Variants in NTNG1 observed in about 807,000 individuals in gnomAD.
NTNG1 encodes netrin-G1.
In NTNG1, 16 loss-of-function variants were observed where a neutral mutation model predicts 54.0. That is an observed-to-expected ratio of 0.30 (90% CI 0.20 to 0.45). NTNG1 has a LOEUF of 0.45. Among genes scored for constraint, NTNG1 ranks in the 20% least tolerant of loss-of-function variants. NTNG1 has a pLI of 1.00. For missense variants in NTNG1, 530 were observed against 678.7 expected (o/e 0.78, Z 2.43); for synonymous variants, 255 against 263.1 (o/e 0.97, Z 0.30).
At chr1:107,327,346 G>A (rs1668020496) in intron 3 of NTNG1, among the ~76,000 whole-genome samples, 1 of 152,148 alleles carries the variant, frequency 6.6e-6, no homozygotes, top group Admixed American at 6.6e-5. Context: ...ATCTGCTGAT[G>A]ATGGAGCCAG....
chr1:107,170,596 A>G (rs1481797186), intron 2 of NTNG1, among the ~76,000 whole-genome samples: 1 of 152,156 alleles, frequency 6.6e-6, no homozygotes, highest in African/African-American at 2.4e-5. Flanking sequence ...TAAATGGAAC[A>G]TAATTATTGC....
chr1:107,276,731 T>A (rs1664502473), intron 2 of NTNG1, among the ~76,000 whole-genome samples: 1 of 152,112 alleles, frequency 6.6e-6, no homozygotes, highest in South Asian at 2.1e-4. Context: ...TCACTAATTG[T>A]TCGATGAATA....
chr1:107,142,719 T>C (rs1356814458), intron 1 of NTNG1, among the ~76,000 whole-genome samples: 1 of 151,390 alleles, frequency 6.6e-6, no homozygotes, highest in East Asian at 1.9e-4. Flanking sequence ...AAATCACTTA[T>C]TCAGATATGC....
rs1485802466 is a variant in NTNG1, at chr1:107,407,892, AT to A, written c.1087+187del. 15 of 746,476 alleles carry A rather than the reference AT, an allele frequency of 2.0e-5. 1 individual carries two copies. Among genetic ancestry groups the A allele is most frequent in the African/African-American group, 1.9e-4 (11 of 58,744 alleles). 46.2% of individuals were successfully genotyped at this position (746,476 alleles called of 1,614,324 possible). On this transcript the variant is annotated intron_variant, in intron 5 of 7. Coordinates refer to ENST00000370068, the MANE Select transcript of NTNG1 (RefSeq NM_001113226.3). ...TGGTGAGAACACAGATAAAGTGATTATTTGTGCATAACTCCATGAACATGGC... is the reference window on the plus strand; with the variant it reads ...TGGTGAGAACACAGATAAAGTGATTATTGTGCATAACTCCATGAACATGGC...
chr1:107,171,491 T>TC (rs1485975754), intron 2 of NTNG1, among the ~76,000 whole-genome samples: 2 of 152,112 alleles, frequency 1.3e-5, no homozygotes. Flanking sequence ...TTCAAGTTTT[T>TC]CTCTCTCAAG....
Position 107,314,053 on chromosome 1 carries a change from G to A in NTNG1, c.247-10229G>A, listed in dbSNP as rs984608734. Among the ~76,000 whole-genome samples the A allele has an allele frequency of 8.6e-5, 13 of 152,046 alleles. 1 individual carries two copies. The highest frequency in any genetic ancestry group is 7.9e-4 in the Admixed American group (12 of 15,250). On this transcript the variant is annotated intron_variant, in intron 2 of 7. Transcript: ENST00000370068. ...AAAATTATTCTTTAGTAAAGTCGAC[G>A]TTTTTCCTTATTTTAACCCCTCAGG...
chr1:107,381,144 A>G (rs1306891786), intron 3 of NTNG1, among the ~76,000 whole-genome samples: 2 of 152,174 alleles, frequency 1.3e-5, no homozygotes, highest in Non-Finnish European at 2.9e-5. Flanking sequence ...TGTGGTGTTG[A>G]TGGTGGCACT....
At chr1:107,461,818 C>A (rs1677300908) in intron 7 of NTNG1, among the ~76,000 whole-genome samples, 1 of 152,136 alleles carries the variant, frequency 6.6e-6, no homozygotes, top group Non-Finnish European at 1.5e-5. Context: ...AGGTGTGAGC[C>A]ACCGCGCCTG....
At chr1:107,302,541 T>C (rs1377999996) in intron 2 of NTNG1, among the ~76,000 whole-genome samples, 1 of 152,096 alleles carries the variant, frequency 6.6e-6, no homozygotes, top group Admixed American at 6.5e-5. Flanking sequence ...ACATTTGTGT[T>C]TGATTTGAGG....
intron 2 of NTNG1, among the ~76,000 whole-genome samples, chr1:107,208,457 G>T (rs965410413): frequency 6.7e-6 from 1 of 149,794 alleles, no homozygotes; most frequent in Non-Finnish European, 1.5e-5. Context: ...AAGAAAGAAA[G>T]AAAGAAAAGA....
At chr1:107,480,395 A>G (rs1030116857) in intron 7 of NTNG1, among the ~76,000 whole-genome samples, 3 of 152,184 alleles carry the variant, frequency 2.0e-5, no homozygotes, top group South Asian at 4.1e-4. Flanking sequence ...GCAAAAATCT[A>G]TATGAAAAGG....
intron 2 of NTNG1, among the ~76,000 whole-genome samples, chr1:107,199,805 G>A (rs1658602350): frequency 6.6e-6 from 1 of 150,822 alleles, no homozygotes; most frequent in Admixed American, 6.6e-5. Flanking sequence ...TATTTCAGTG[G>A]AAGCTATAAT....
At chr1:107,300,785 C>T (rs1469061172) in intron 2 of NTNG1, among the ~76,000 whole-genome samples, 2 of 152,072 alleles carry the variant, frequency 1.3e-5, no homozygotes, top group African/African-American at 4.8e-5. Flanking sequence ...ATCCTGAATA[C>T]AGAGTTAATG....
intron 2 of NTNG1, among the ~76,000 whole-genome samples, chr1:107,210,095 G>T (rs1208423704): frequency 6.6e-6 from 1 of 152,200 alleles, no homozygotes; most frequent in East Asian, 1.9e-4. Context: ...AGATGGAAAC[G>T]TGAACAGTGA....
intron 2 of NTNG1, among the ~76,000 whole-genome samples, chr1:107,221,583 AAG>A (rs1230646985): frequency 1.3e-5 from 2 of 152,304 alleles, no homozygotes; most frequent in Admixed American, 1.3e-4. Context: ...AAAGCAAAGA[AAG>A]AGCAGTAGGA....
At chr1:107,300,901 T>C (rs919490803) in intron 2 of NTNG1, among the ~76,000 whole-genome samples, 1 of 152,162 alleles carries the variant, frequency 6.6e-6, no homozygotes, top group East Asian at 1.9e-4. Context: ...GCAAACTTAT[T>C]TCGAGAGAAT....
At position 107,295,852 on chromosome 1, in the gene NTNG1, A is replaced by G. The variant is rs527666129; in HGVS notation, c.247-28430A>G. On this transcript the variant is annotated intron_variant, in intron 2 of 7. Transcript: ENST00000370068. ...TTACACTTAACAAAAGCAGGCTGCTAACTGCCTAATTCAGTGGGTATTTTA... is the reference window on the plus strand; with the variant it reads ...TTACACTTAACAAAAGCAGGCTGCTGACTGCCTAATTCAGTGGGTATTTTA... 6.0e-4 allele frequency among the ~76,000 whole-genome samples: 92 copies of G among 152,300 alleles called. 1 individual carries two copies. In the Middle Eastern group the frequency reaches 0.01, roughly 17 times the overall value.
chr1:107,250,179 G>A (rs1662496691), intron 2 of NTNG1, among the ~76,000 whole-genome samples: 1 of 152,176 alleles, frequency 6.6e-6, no homozygotes, highest in Non-Finnish European at 1.5e-5. Context: ...TTTAACCAAA[G>A]AGGTCTCCAA....
At chr1:107,235,682 A>G (rs1330695484) in intron 2 of NTNG1, among the ~76,000 whole-genome samples, 3 of 152,178 alleles carry the variant, frequency 2.0e-5, no homozygotes, top group African/African-American at 7.2e-5. Context: ...CAGTTAAGGA[A>G]AGTATACTCC....
Sources: gnomAD v4.1 joint callset for allele counts (sites outside exome capture counted in the v4.1 genomes callset) on GRCh38, gnomAD v4.1.1 for gene constraint, MANE v1.5 for transcripts, NCBI Gene and HGNC (gene_info 2026-07-23, HGNC 2026-07-21) for gene names.